The following LRRC37A2 variants were observed in gnomAD, a reference collection of about 807,000 sequenced individuals.
LRRC37A2 encodes leucine rich repeat containing 37 member A2.
A neutral mutation model predicts 68.8 loss-of-function variants in LRRC37A2; 9 were observed. The ratio of observed to expected loss-of-function variants is 0.13; its 90% CI spans 0.08 to 0.23. The LOEUF (loss-of-function observed/expected upper bound fraction) is 0.23. Among genes scored for constraint, LRRC37A2 ranks in the 10% least tolerant of loss-of-function variants. The pLI, the probability that LRRC37A2 is intolerant of heterozygous loss-of-function variation, is 1.00. For synonymous variants in LRRC37A2, 63 were observed against 367.6 expected, an observed-to-expected ratio of 0.17 and a Z score of 9.48; for missense variants, 168 against 950.4, an observed-to-expected ratio of 0.18 and a Z score of 10.82.
the LRRC37A2 span, among the ~76,000 whole-genome samples, chr17:46,690,536 C>T: frequency 1.3e-5 from 1 of 77,302 alleles, no homozygotes; most frequent in Non-Finnish European, 2.4e-5. Context: ...GGCGTGAACC[C>T]GGGAGGCGGA....
the LRRC37A2 span, among the ~76,000 whole-genome samples, chr17:46,896,005 G>A: frequency 2.0e-5 from 3 of 152,144 alleles, no homozygotes; most frequent in South Asian, 2.1e-4. Context: ...CAGGCTGGGC[G>A]CAGTGGCTCA....
chr17:47,040,502 T>C, the LRRC37A2 span, among the ~76,000 whole-genome samples: 445 of 149,280 alleles, frequency 3.0e-3, 2 homozygotes, highest in African/African-American at 0.01. Context: ...GTGTTAGTAG[T>C]TGCTATTTAT....
At chr17:46,947,852 T>G in the LRRC37A2 span, among the ~76,000 whole-genome samples, 1 of 152,230 alleles carries the variant, frequency 6.6e-6, no homozygotes, top group Admixed American at 6.5e-5. Context: ...CACCGTAACC[T>G]CCGCCTCCCG....
At chr17:46,973,671 GT>G in the LRRC37A2 span, among the ~76,000 whole-genome samples, 4 of 152,168 alleles carry the variant, frequency 2.6e-5, no homozygotes, top group Non-Finnish European at 5.9e-5. Flanking sequence ...CCGAGCTGGG[GT>G]TTGCTGTCCT....
At chr17:47,016,108 C>T in the LRRC37A2 span, among the ~76,000 whole-genome samples, 18 of 152,132 alleles carry the variant, frequency 1.2e-4, no homozygotes, top group African/African-American at 4.1e-4. Flanking sequence ...CCACACATGG[C>T]TAATTTTTGT....
At chr17:46,705,205 TC>T in the LRRC37A2 span, among the ~76,000 whole-genome samples, 1 of 143,024 alleles carries the variant, frequency 7.0e-6, no homozygotes, top group Non-Finnish European at 1.5e-5. Flanking sequence ...CTAACTTCAG[TC>T]CATCTTCCAT....
chr17:46,998,439 C>A, the LRRC37A2 span, among the ~76,000 whole-genome samples: 2 of 152,202 alleles, frequency 1.3e-5, no homozygotes, highest in Non-Finnish European at 2.9e-5. Context: ...CACGTGCAGC[C>A]ATGGATCCTT....
the LRRC37A2 span, among the ~76,000 whole-genome samples, chr17:46,838,532 C>G: frequency 1.3e-5 from 2 of 152,038 alleles, no homozygotes; most frequent in African/African-American, 4.8e-5. Context: ...GAGGCTAAGG[C>G]AGGAGGATCG....
the LRRC37A2 span, among the ~76,000 whole-genome samples, chr17:46,492,586 TCCAAAGTAG>T: frequency 4.7e-5 from 7 of 150,402 alleles, no homozygotes; most frequent in Non-Finnish European, 7.4e-5. Context: ...AAAACTGTTT[TCCAAAGTAG>T]CTGTACCATT....
the LRRC37A2 span, among the ~76,000 whole-genome samples, chr17:46,655,912 T>A: frequency 4.6e-5 from 5 of 107,708 alleles, no homozygotes; most frequent in South Asian, 2.7e-4. Flanking sequence ...AATGAATCTT[T>A]AAAAAAAAAA....
At chr17:46,745,772 A>G in the LRRC37A2 span, among the ~76,000 whole-genome samples, 4 of 152,232 alleles carry the variant, frequency 2.6e-5, no homozygotes, top group Non-Finnish European at 4.4e-5. Flanking sequence ...CTTTAGGGCT[A>G]TGTTCCCAAG....
At chr17:46,997,314 T>A in the LRRC37A2 span, among the ~76,000 whole-genome samples, 1 of 152,134 alleles carries the variant, frequency 6.6e-6, no homozygotes, top group South Asian at 2.1e-4. Flanking sequence ...ATCCTGCCAC[T>A]TCACTCCAGC....
At chr17:46,681,599 A>G in the LRRC37A2 span, among the ~76,000 whole-genome samples, 1 of 150,646 alleles carries the variant, frequency 6.6e-6, no homozygotes, top group Non-Finnish European at 1.5e-5. Context: ...GAATTAATCT[A>G]TCCTACCATT....
At chr17:46,818,233 C>A in the LRRC37A2 span, among the ~76,000 whole-genome samples, 7 of 152,042 alleles carry the variant, frequency 4.6e-5, no homozygotes, top group East Asian at 1.2e-3. Context: ...TAGATTGGGA[C>A]GGGCAGAGGG....
the LRRC37A2 span, among the ~76,000 whole-genome samples, chr17:46,972,813 A>G: frequency 1.3e-5 from 2 of 152,042 alleles, no homozygotes; most frequent in African/African-American, 2.4e-5. Context: ...CAGTCATATT[A>G]TTAGCATCTC....
the LRRC37A2 span, among the ~76,000 whole-genome samples, chr17:46,493,933 C>T: frequency 6.6e-6 from 1 of 151,120 alleles, no homozygotes; most frequent in Non-Finnish European, 1.5e-5. Context: ...CCCTCGACTC[C>T]AGGTTCAAGG....
the LRRC37A2 span, among the ~76,000 whole-genome samples, chr17:46,878,514 T>C: frequency 6.6e-6 from 1 of 152,206 alleles, no homozygotes; most frequent in South Asian, 2.1e-4. Flanking sequence ...ATGACATTGC[T>C]GACCCAAGCA....
chr17:46,779,189 G>A, the LRRC37A2 span, among the ~76,000 whole-genome samples: 313 of 151,930 alleles, frequency 2.1e-3, no homozygotes, highest in Non-Finnish European at 3.4e-3. Context: ...CTCTTCCAAA[G>A]GACGAGCCTG....
chr17:46,729,980 A>G, the LRRC37A2 span, among the ~76,000 whole-genome samples: 1 of 152,128 alleles, frequency 6.6e-6, no homozygotes, highest in Non-Finnish European at 1.5e-5. Context: ...CATTCCTAGT[A>G]ATTGGAGTCT....
Sources: allele counts gnomAD v4.1 joint callset (sites outside exome capture counted in the v4.1 genomes callset), GRCh38; gene constraint gnomAD v4.1.1; transcripts MANE v1.5; gene names NCBI Gene and HGNC (gene_info 2026-07-23, HGNC 2026-07-21).